The following FAM3B variants were observed in gnomAD, a reference collection of about 807,000 sequenced individuals.
FAM3B encodes the protein FAM3 metabolism regulating signaling molecule B, also known as protein FAM3B.
In FAM3B, 29 loss-of-function variants were observed where a neutral mutation model predicts 28.4. The ratio of observed to expected loss-of-function variants is 1.02; its 90% CI spans 0.76 to 1.39. The LOEUF is 1.39. FAM3B is among the 40% of genes most tolerant of loss of function. FAM3B has a pLI of 0.00. For missense variants in FAM3B, 266 were observed against 293.9 expected (o/e 0.91, Z 0.69); for synonymous variants, 91 against 103.0 (o/e 0.88, Z 0.71).
rs529588202 is a variant in FAM3B, at chr21:41,353,647, C to T, written c.619-3461C>T. ...CTTGGACCCTACCTCATACCATATA[C>T]AAAAATTAAGTAACAATAAATCAAA... On this transcript the variant is annotated intron_variant, in intron 7 of 7. Transcript: ENST00000357985. 3.9e-5 allele frequency among the ~76,000 whole-genome samples: 6 copies of T among 152,272 alleles called. No individual in the cohort carries two copies. In the East Asian group the frequency reaches 1.2e-3, roughly 29 times the overall value.
At chr21:41,328,244 A>G (rs2088871459) in intron 2 of FAM3B, among the ~76,000 whole-genome samples, 1 of 152,192 alleles carries the variant, frequency 6.6e-6, no homozygotes, top group Non-Finnish European at 1.5e-5. Context: ...TGAATTGAGT[A>G]CCCATACACA....
At chr21:41,308,697 A>T (rs1271826730) in intron 1 of FAM3B, among the ~76,000 whole-genome samples, 1 of 150,536 alleles carries the variant, frequency 6.6e-6, no homozygotes, top group African/African-American at 2.4e-5. Flanking sequence ...GCACCCCTAC[A>T]CCCGACTAAT....
intron 7 of FAM3B, among the ~76,000 whole-genome samples, chr21:41,355,981 G>A (rs1339427433): frequency 1.3e-5 from 2 of 151,448 alleles, no homozygotes; most frequent in South Asian, 2.1e-4. Flanking sequence ...AACCCACTTC[G>A]GGATGAATAC....
intron 7 of FAM3B, among the ~76,000 whole-genome samples, chr21:41,349,795 G>A (rs111577044): frequency 3.9e-5 from 6 of 152,132 alleles, no homozygotes; most frequent in Non-Finnish European, 7.4e-5. Context: ...CTCATGTTCC[G>A]GAGGCCCGGA....
chr21:41,357,106 A>T lies in FAM3B; in HGVS notation c.619-2A>T. On this transcript the variant is annotated splice_acceptor_variant, in intron 7 of 7. Coordinates refer to ENST00000357985, the MANE Select transcript of FAM3B (RefSeq NM_058186.4). LOFTEE classifies it high-confidence loss of function. ...AATAAAACTCTTCTTTTCTCTACAC[A>T]GATCAACCACTCTGATGCTAAGAAC... is the stretch of plus-strand genomic sequence containing the variant. 1 of 1,609,698 alleles carries T rather than the reference A, an allele frequency of 6.2e-7. No homozygotes were observed. The highest frequency in any genetic ancestry group is 8.5e-7 in the Non-Finnish European group (1 of 1,177,540).
At chr21:41,309,755 T>C (rs2088699801) in intron 1 of FAM3B, among the ~76,000 whole-genome samples, 1 of 152,210 alleles carries the variant, frequency 6.6e-6, no homozygotes, top group Non-Finnish European at 1.5e-5. Flanking sequence ...GACGCATTGA[T>C]CTGAATATTT....
intron 2 of FAM3B, among the ~76,000 whole-genome samples, chr21:41,332,618 G>T (rs976968407): frequency 1.3e-5 from 2 of 152,094 alleles, no homozygotes; most frequent in African/African-American, 4.8e-5. Context: ...TTAATTGGTT[G>T]GTAAAATTCA....
intron 1 of FAM3B, 39 bp from the exon 2 acceptor site, chr21:41,322,884 C>A: frequency 6.2e-7 from 1 of 1,614,206 alleles, no homozygotes; most frequent in Non-Finnish European, 8.5e-7. Context: ...GGGCCGCCAC[C>A]AAGTCGTTCA....
Position 41,357,277 on chromosome 21 carries a change from C to A in FAM3B, c.*80C>A. 3 of 956,368 alleles carry A rather than the reference C, an allele frequency of 3.1e-6. No individual in the cohort carries two copies. Among genetic ancestry groups the A allele is most frequent in the Non-Finnish European group, 4.7e-6 (3 of 635,928 alleles). 59.2% of individuals were successfully genotyped at this position (956,368 alleles called of 1,614,324 possible). ...CTCAAGAATCTTATTTTTCTAAATC[C>A]AACAGCCCATATTTGATGAGTATTT... On this transcript the variant is annotated 3_prime_UTR_variant, in exon 8 of 8. Coordinates refer to ENST00000357985, the MANE Select transcript of FAM3B (RefSeq NM_058186.4).
chr21:41,317,546 C>CTGCCCTGGCCTCTGTCACACA (rs1174041559), intron 1 of FAM3B, among the ~76,000 whole-genome samples: 2 of 152,180 alleles, frequency 1.3e-5, no homozygotes, highest in Non-Finnish European at 2.9e-5. Context: ...CTGGTGTCCA[C>CTGCCCTGGCCTCTGTCACACA]TGCCCTGGCC....
intron 1 of FAM3B, chr21:41,320,828 G>A (rs1601350276): frequency 6.6e-6 from 1 of 152,222 alleles, no homozygotes; most frequent in Admixed American, 6.6e-5. Context: ...TGCCGCATCA[G>A]GACCCGCCAT....
chr21:41,329,431 C>A (rs1427627933), intron 2 of FAM3B, among the ~76,000 whole-genome samples: 1 of 152,188 alleles, frequency 6.6e-6, no homozygotes, highest in Admixed American at 6.5e-5. Flanking sequence ...TAGGAGCCAG[C>A]CTGGTCATCA....
upstream of FAM3B, among the ~76,000 whole-genome samples, chr21:41,314,570 A>G (rs1439107988): frequency 6.6e-6 from 1 of 152,246 alleles, no homozygotes; most frequent in Non-Finnish European, 1.5e-5. Context: ...GGAATATGTA[A>G]TTAAAGTAAT....
chr21:41,320,180 C>T (rs1279621532), intron 1 of FAM3B: 1 of 152,128 alleles, frequency 6.6e-6, no homozygotes, highest in African/African-American at 2.4e-5. Flanking sequence ...GCAATCGTAG[C>T]TCACTGCAAC....
At chr21:41,346,408 G>A (rs1395667986) in intron 5 of FAM3B, 1 of 152,966 alleles carries the variant, frequency 6.5e-6, no homozygotes. Context: ...AGCCGCAGCG[G>A]TGAGTAACAG....
intron 2 of FAM3B, among the ~76,000 whole-genome samples, chr21:41,325,565 C>T (rs1350884887): frequency 3.3e-5 from 5 of 152,158 alleles, no homozygotes; most frequent in Non-Finnish European, 7.4e-5. Flanking sequence ...CTGGGAAATT[C>T]AAAGCTCCCT....
At chr21:41,356,511 T>G (rs1466592077) in intron 7 of FAM3B, among the ~76,000 whole-genome samples, 2 of 152,182 alleles carry the variant, frequency 1.3e-5, no homozygotes, top group Non-Finnish European at 2.9e-5. Context: ...GAGTATAGTT[T>G]CTACTGAATG....
intron 1 of FAM3B, among the ~76,000 whole-genome samples, chr21:41,307,192 C>T (rs1409061197): frequency 6.6e-6 from 1 of 152,222 alleles, no homozygotes; most frequent in Non-Finnish European, 1.5e-5. Context: ...TGCTGCCTTA[C>T]CTTTCACTTT....
chr21:41,310,083 G>A (rs1341966093), intron 1 of FAM3B, among the ~76,000 whole-genome samples: 1 of 152,184 alleles, frequency 6.6e-6, no homozygotes, highest in Non-Finnish European at 1.5e-5. Flanking sequence ...ATTCAGGAAG[G>A]AGGGTGGGAG....
Sources: gnomAD v4.1 joint callset for allele counts (sites outside exome capture counted in the v4.1 genomes callset) on GRCh38, gnomAD v4.1.1 for gene constraint, MANE v1.5 for transcripts, NCBI Gene and HGNC (gene_info 2026-07-23, HGNC 2026-07-21) for gene names.